The following ROBO1 variants were observed in gnomAD, a reference collection of about 807,000 sequenced individuals.
ROBO1 encodes the protein roundabout homolog 1.
In ROBO1, 149 loss-of-function variants were observed where a neutral mutation model predicts 195.9. That is an observed-to-expected ratio of 0.76 (90% CI 0.67 to 0.87). The LOEUF (loss-of-function observed/expected upper bound fraction) is 0.87. Ranked by LOEUF, ROBO1 falls within the 40% of genes least tolerant of loss-of-function variation. The probability of loss-of-function intolerance (pLI) is 0.00; values close to 1 mark genes in which losing one functional copy is unlikely to be tolerated. For synonymous variants in ROBO1, 816 were observed against 733.2 expected (o/e 1.11, Z -1.82); for missense variants, 1,933 against 2,068.3 (o/e 0.93, Z 1.27).
intron 2 of ROBO1, among the ~76,000 whole-genome samples, chr3:79,182,999 T>G (rs564492656): frequency 6.7e-6 from 1 of 149,846 alleles, no homozygotes; most frequent in South Asian, 2.1e-4. Context: ...GAGAATCGCT[T>G]GAACCCAGGA....
At chr3:79,716,124 T>C (rs1702473667) in intron 1 of ROBO1, among the ~76,000 whole-genome samples, 1 of 152,076 alleles carries the variant, frequency 6.6e-6, no homozygotes, top group Non-Finnish European at 1.5e-5. Context: ...CAATCAATTT[T>C]TTAAGTGGTA....
At chr3:78,889,708 C>T (rs1412918881) in intron 4 of ROBO1, among the ~76,000 whole-genome samples, 1 of 65,176 alleles carries the variant, frequency 1.5e-5, no homozygotes. Flanking sequence ...AAAATAACTC[C>T]AAGAAAAAAA....
intron 4 of ROBO1, among the ~76,000 whole-genome samples, chr3:78,887,613 C>G (rs1476373518): frequency 6.6e-6 from 1 of 151,984 alleles, no homozygotes; most frequent in Non-Finnish European, 1.5e-5. Flanking sequence ...TGTAAGTATC[C>G]CTGGAGGAGA....
At chr3:79,284,776 T>G (rs2031780036) in intron 2 of ROBO1, among the ~76,000 whole-genome samples, 1 of 152,132 alleles carries the variant, frequency 6.6e-6, no homozygotes, top group South Asian at 2.1e-4. Context: ...TGAAGTGAGA[T>G]TGCATCTAAA....
intron 3 of ROBO1, among the ~76,000 whole-genome samples, chr3:78,981,334 C>G (rs2076985883): frequency 6.6e-6 from 1 of 152,140 alleles, no homozygotes; most frequent in Non-Finnish European, 1.5e-5. Flanking sequence ...TACCATCACC[C>G]TCTTACATGA....
chr3:78,730,308 G>A lies in ROBO1; in HGVS notation c.658-12425C>T, dbSNP rs751608615. On this transcript the variant is annotated intron_variant, in intron 5 of 30. Coordinates refer to ENST00000464233, the MANE Select transcript of ROBO1 (RefSeq NM_002941.4). ...AGATAAAGCCTTTTCCAGAGACCAC[G>A]TATAACTTGTTACCCTTGAAATTTA... 6.2e-5 allele frequency among the ~76,000 whole-genome samples: 4 copies of A among 64,434 alleles called. 2 individuals are homozygous for A. In the Admixed American group the frequency reaches 1.0e-3, roughly 16 times the overall value. 42.3% of individuals were successfully genotyped at this position (64,434 alleles called of 152,430 possible).
chr3:79,464,025 A>T (rs1309930160), intron 2 of ROBO1, among the ~76,000 whole-genome samples: 1 of 152,178 alleles, frequency 6.6e-6, no homozygotes, highest in East Asian at 1.9e-4. Flanking sequence ...AAATGGAATT[A>T]TACAGTATAA....
intron 1 of ROBO1, among the ~76,000 whole-genome samples, chr3:79,642,801 C>A (rs1945705843): frequency 6.6e-6 from 1 of 152,016 alleles, no homozygotes; most frequent in Admixed American, 6.6e-5. Flanking sequence ...CACTAATATG[C>A]CGAAAGAAAA....
intron 1 of ROBO1, among the ~76,000 whole-genome samples, chr3:79,748,702 T>C (rs1475085579): frequency 6.6e-6 from 1 of 152,142 alleles, no homozygotes. Context: ...ACTCTCATGA[T>C]AGTGAATAAG....
chr3:79,423,128 T>G (rs2038299879), intron 2 of ROBO1, among the ~76,000 whole-genome samples: 1 of 152,092 alleles, frequency 6.6e-6, no homozygotes, highest in Admixed American at 6.6e-5. Context: ...ACAGCAACTA[T>G]AAACATAGAT....
intron 3 of ROBO1, among the ~76,000 whole-genome samples, chr3:78,971,298 A>G (rs966124113): frequency 2.0e-5 from 3 of 152,158 alleles, no homozygotes; most frequent in African/African-American, 7.2e-5. Flanking sequence ...CTGAGGCAGG[A>G]GGATCACCTA....
At chr3:79,262,480 T>A (rs1203249117) in intron 2 of ROBO1, among the ~76,000 whole-genome samples, 1 of 152,246 alleles carries the variant, frequency 6.6e-6, no homozygotes, top group Non-Finnish European at 1.5e-5. Context: ...TTTTGTTGTT[T>A]TAAGACTTTT....
At chr3:79,481,202 TAA>T (rs1938835887) in intron 2 of ROBO1, among the ~76,000 whole-genome samples, 1 of 152,128 alleles carries the variant, frequency 6.6e-6, no homozygotes, top group Non-Finnish European at 1.5e-5. Flanking sequence ...ACAGAAATTG[TAA>T]AAGACTGAGG....
intron 7 of ROBO1, 62 bp from the exon 8 acceptor site, chr3:78,714,586 A>C: frequency 6.8e-7 from 1 of 1,468,748 alleles, no homozygotes; most frequent in South Asian, 1.3e-5. Context: ...TCTCATTATT[A>C]TACACACAAT....
chr3:79,548,864 G>T (rs956802228), intron 2 of ROBO1, among the ~76,000 whole-genome samples: 20 of 152,132 alleles, frequency 1.3e-4, no homozygotes, highest in Admixed American at 3.3e-4. Context: ...TCATTGAGCA[G>T]CAAGTAATCA....
At chr3:78,972,504 G>A (rs1423916814) in intron 3 of ROBO1, among the ~76,000 whole-genome samples, 2 of 152,184 alleles carry the variant, frequency 1.3e-5, no homozygotes, top group African/African-American at 4.8e-5. Flanking sequence ...GGTCAGGGCT[G>A]TACTAACTAG....
At chr3:79,019,999 A>G (rs2078065663) in intron 3 of ROBO1, among the ~76,000 whole-genome samples, 1 of 152,220 alleles carries the variant, frequency 6.6e-6, no homozygotes. Flanking sequence ...GTCTTGTAGA[A>G]AAGATATCCA....
intron 2 of ROBO1, among the ~76,000 whole-genome samples, chr3:79,262,713 T>C (rs1014986935): frequency 2.0e-5 from 3 of 152,116 alleles, no homozygotes; most frequent in Non-Finnish European, 4.4e-5. Flanking sequence ...ATTTTCATTT[T>C]ACTATAAAAA....
chr3:79,223,571 C>T (rs912198324), intron 2 of ROBO1, among the ~76,000 whole-genome samples: 6 of 152,124 alleles, frequency 3.9e-5, no homozygotes, highest in African/African-American at 1.4e-4. Flanking sequence ...CGAAAAAGCA[C>T]GCACATCAGC....
Sources: allele counts gnomAD v4.1 joint callset (sites outside exome capture counted in the v4.1 genomes callset), GRCh38; gene constraint gnomAD v4.1.1; transcripts MANE v1.5; gene names NCBI Gene and HGNC (gene_info 2026-07-23, HGNC 2026-07-21).